Variants in INPP5A observed in about 807,000 individuals in gnomAD.
INPP5A encodes 43 kDa inositol polyphosphate 5-phophatase.
Under a neutral mutation model 65.2 loss-of-function variants are expected in INPP5A, and 14 were observed. The ratio of observed to expected loss-of-function variants is 0.21; its 90% CI spans 0.14 to 0.34. The LOEUF (loss-of-function observed/expected upper bound fraction) is 0.34. Ranked by LOEUF, INPP5A falls within the 10% of genes least tolerant of loss-of-function variation. The probability of loss-of-function intolerance (pLI) is 1.00; values close to 1 mark genes in which losing one functional copy is unlikely to be tolerated. For synonymous variants in INPP5A, 207 were observed against 208.3 expected (o/e 0.99, Z 0.05); for missense variants, 431 against 545.6 (o/e 0.79, Z 2.09).
intron 4 of INPP5A, among the ~76,000 whole-genome samples, chr10:132,669,821 C>T (rs896813215): frequency 4.6e-5 from 7 of 151,960 alleles, no homozygotes; most frequent in South Asian, 2.1e-4. Context: ...GCATTGTTCC[C>T]GTGTCCCTGT....
chr10:132,687,568 G>A (rs995729583), intron 4 of INPP5A, among the ~76,000 whole-genome samples: 2 of 152,346 alleles, frequency 1.3e-5, no homozygotes, highest in African/African-American at 2.4e-5. Flanking sequence ...AGTGCACTGC[G>A]TCCCCCTCGG....
chr10:132,631,031 A>T (rs988966859), intron 2 of INPP5A, among the ~76,000 whole-genome samples: 1 of 150,676 alleles, frequency 6.6e-6, no homozygotes, highest in African/African-American at 2.4e-5. Flanking sequence ...TCCCCAAAAA[A>T]CCTCTAGGCT....
At chr10:132,572,285 C>A (rs1348324405) in intron 1 of INPP5A, among the ~76,000 whole-genome samples, 1 of 143,442 alleles carries the variant, frequency 7.0e-6, no homozygotes, top group Admixed American at 7.1e-5. Flanking sequence ...TGGCAAGATG[C>A]CCCTGGTGGC....
At chr10:132,692,476 T>G (rs1182324453) in intron 5 of INPP5A, among the ~76,000 whole-genome samples, 3 of 152,110 alleles carry the variant, frequency 2.0e-5, no homozygotes, top group African/African-American at 4.8e-5. Flanking sequence ...TGCCAGAAAG[T>G]CAACCCCAGG....
At chr10:132,671,582 A>G (rs2072893564) in intron 4 of INPP5A, among the ~76,000 whole-genome samples, 1 of 152,220 alleles carries the variant, frequency 6.6e-6, no homozygotes, top group South Asian at 2.1e-4. Flanking sequence ...TGATCCCATC[A>G]TCAGCCAAGG....
chr10:132,771,211 G>A (rs1023440258), intron 12 of INPP5A, among the ~76,000 whole-genome samples: 1 of 152,166 alleles, frequency 6.6e-6, no homozygotes, highest in African/African-American at 2.4e-5. Flanking sequence ...ATCCCTCTGG[G>A]CAGAGGACTC....
chr10:132,773,617 C>A (rs1846993731), intron 12 of INPP5A, among the ~76,000 whole-genome samples: 1 of 152,238 alleles, frequency 6.6e-6, no homozygotes, highest in Non-Finnish European at 1.5e-5. Context: ...GGCCGCCCGT[C>A]CGCCTGGTGG....
chr10:132,570,437 C>T (rs185077060), intron 1 of INPP5A, among the ~76,000 whole-genome samples: 218 of 152,158 alleles, frequency 1.4e-3, no homozygotes, highest in African/African-American at 5.0e-3. Context: ...TTCCTTCCGA[C>T]GAGGTATGTG....
At chr10:132,618,700 C>T (rs2072074295) in intron 2 of INPP5A, among the ~76,000 whole-genome samples, 1 of 152,166 alleles carries the variant, frequency 6.6e-6, no homozygotes, top group Non-Finnish European at 1.5e-5. Context: ...GTGCTGGCAC[C>T]TGCTCAGCCC....
rs576770019 is a variant in INPP5A at position 132,544,410 on chromosome 10, A to C, written c.75+6239A>C. 1.7e-4 allele frequency among the ~76,000 whole-genome samples: 25 copies of C among 151,342 alleles called. No individual in the cohort carries two copies. In the South Asian group the frequency reaches 5.0e-3, roughly 30 times the overall value. On this transcript the variant is annotated intron_variant, in intron 1 of 15. Transcript: ENST00000368594. ...GGTGCCCTCCCTGCCCCGGTGCGGCAATGGGCGTGGCTGGAGGTGTCTCAG... is the reference window on the plus strand; with the variant it reads ...GGTGCCCTCCCTGCCCCGGTGCGGCCATGGGCGTGGCTGGAGGTGTCTCAG...
intron 9 of INPP5A, among the ~76,000 whole-genome samples, chr10:132,746,202 C>T (rs1415881354): frequency 6.6e-6 from 1 of 152,234 alleles, no homozygotes; most frequent in Non-Finnish European, 1.5e-5. Context: ...CGTGCGGTGC[C>T]TGGAGGCTAC....
At chr10:132,612,496 G>A (rs1383873994) in intron 2 of INPP5A, among the ~76,000 whole-genome samples, 1 of 151,102 alleles carries the variant, frequency 6.6e-6, no homozygotes, top group Non-Finnish European at 1.5e-5. Context: ...TGTTTTGGGG[G>A]TTCGGGGAGG....
At chr10:132,767,606 C>G (rs1846871476) in intron 12 of INPP5A, among the ~76,000 whole-genome samples, 1 of 152,194 alleles carries the variant, frequency 6.6e-6, no homozygotes. Flanking sequence ...GGCTCACACC[C>G]CTCTTCCTGG....
At chr10:132,666,985 C>T (rs1420237890) in intron 4 of INPP5A, among the ~76,000 whole-genome samples, 4 of 152,210 alleles carry the variant, frequency 2.6e-5, no homozygotes, top group African/African-American at 9.6e-5. Context: ...CTCTCACCCC[C>T]AACCCCCTCT....
At chr10:132,766,813 G>A (rs1364382744) in intron 12 of INPP5A, among the ~76,000 whole-genome samples, 1 of 152,064 alleles carries the variant, frequency 6.6e-6, no homozygotes, top group Non-Finnish European at 1.5e-5. Context: ...GGCAGATGTG[G>A]ACTTTGCCTG....
intron 9 of INPP5A, among the ~76,000 whole-genome samples, chr10:132,742,739 C>A (rs1382306562): frequency 6.6e-6 from 1 of 152,198 alleles, no homozygotes; most frequent in East Asian, 1.9e-4. Context: ...GGTCTGGAAT[C>A]CCTGGTGAAC....
rs1845507373 is a variant in INPP5A, at chr10:132,704,821, G to A, written c.475-3492G>A. Among the ~76,000 whole-genome samples, 1 of 151,396 alleles carries A rather than the reference G, an allele frequency of 6.6e-6. No homozygotes were observed. The highest frequency in any genetic ancestry group is 1.5e-5 in the Non-Finnish European group (1 of 67,846). Reference sequence around the variant, plus strand: ...GGAAGGGCGTCTGGACAGGCGGCAGGCAGCTCCTCTGGAGTGTGGAGGATG... The same window carrying A: ...GGAAGGGCGTCTGGACAGGCGGCAGACAGCTCCTCTGGAGTGTGGAGGATG... On this transcript the variant is annotated intron_variant, in intron 6 of 15. Coordinates refer to ENST00000368594, the MANE Select transcript of INPP5A (RefSeq NM_005539.5). This position sits in a 1 kb window ranked among gnomAD's most constrained non-coding sequence, Gnocchi z 4.5.
intron 1 of INPP5A, among the ~76,000 whole-genome samples, chr10:132,580,436 G>T (rs56163820): frequency 6.6e-6 from 1 of 152,090 alleles, no homozygotes; most frequent in African/African-American, 2.4e-5. Flanking sequence ...GTTTTCTGAG[G>T]CCTCCCAGCC....
At chr10:132,562,863 G>A (rs1022436503) in intron 1 of INPP5A, among the ~76,000 whole-genome samples, 1 of 152,208 alleles carries the variant, frequency 6.6e-6, no homozygotes, top group Non-Finnish European at 1.5e-5. Context: ...CTGTGAAGTC[G>A]CAGGCTCGGG....
Sources: gnomAD v4.1 joint callset for allele counts (sites outside exome capture counted in the v4.1 genomes callset) on GRCh38, gnomAD v4.1.1 for gene constraint, Gnocchi (gnomAD v3.1) non-coding constraint, MANE v1.5 for transcripts, NCBI Gene and HGNC (gene_info 2026-07-23, HGNC 2026-07-21) for gene names.